The following SOX5 variants were observed in gnomAD, a reference collection of about 807,000 sequenced individuals.
The protein encoded by SOX5 is SRY-box transcription factor 5.
Under a neutral mutation model 92.0 loss-of-function variants are expected in SOX5, and 9 were observed. That is an observed-to-expected ratio of 0.10 (90% CI 0.06 to 0.17). The LOEUF is 0.17. Among genes scored for constraint, SOX5 ranks in the 10% least tolerant of loss-of-function variants. SOX5 has a pLI of 1.00. For synonymous variants in SOX5, 344 were observed against 336.3 expected, an observed-to-expected ratio of 1.02 and a Z score of -0.25; for missense variants, 642 against 944.5, an observed-to-expected ratio of 0.68 and a Z score of 4.20.
At chr12:24,247,447 G>A (rs1408097356) in intron 3 of SOX5, among the ~76,000 whole-genome samples, 1 of 151,978 alleles carries the variant, frequency 6.6e-6, no homozygotes, top group African/African-American at 2.4e-5. Context: ...TAGAGAGAGA[G>A]TTGAGTTTAT....
At chr12:24,453,116 T>A (rs1942550720) in intron 1 of SOX5, among the ~76,000 whole-genome samples, 1 of 152,132 alleles carries the variant, frequency 6.6e-6, no homozygotes, top group African/African-American at 2.4e-5. Flanking sequence ...ATTCAGAAAA[T>A]CTATTGAAGA....
At chr12:23,798,422 T>C (rs2095603178) in intron 3 of SOX5, among the ~76,000 whole-genome samples, 1 of 152,162 alleles carries the variant, frequency 6.6e-6, no homozygotes, top group African/African-American at 2.4e-5. Flanking sequence ...GAGACTTACA[T>C]GGCAAGTCTT....
At chr12:23,670,395 G>A (rs1179566402) in intron 6 of SOX5, among the ~76,000 whole-genome samples, 1 of 152,134 alleles carries the variant, frequency 6.6e-6, no homozygotes, top group Non-Finnish European at 1.5e-5. Flanking sequence ...GCTGTAGAAA[G>A]ATGTAAAGTG....
chr12:23,695,706 C>A (rs1231017892), intron 6 of SOX5, among the ~76,000 whole-genome samples: 1 of 151,940 alleles, frequency 6.6e-6, no homozygotes, highest in Non-Finnish European at 1.5e-5. Context: ...CTTTGGGAGG[C>A]CAAGGCGAGT....
intron 3 of SOX5, among the ~76,000 whole-genome samples, chr12:23,787,355 G>A (rs2095399480): frequency 6.6e-6 from 1 of 151,880 alleles, no homozygotes. Context: ...ATTTAAAACA[G>A]TATGAAAGAA....
At chr12:24,475,231 A>T (rs756185202) in intron 1 of SOX5, among the ~76,000 whole-genome samples, 1 of 152,188 alleles carries the variant, frequency 6.6e-6, no homozygotes, top group Non-Finnish European at 1.5e-5. Context: ...TTGAAATGGA[A>T]AATAGTACAA....
intron 3 of SOX5, among the ~76,000 whole-genome samples, chr12:23,811,235 C>G (rs915150983): frequency 6.6e-6 from 1 of 152,080 alleles, no homozygotes; most frequent in African/African-American, 2.4e-5. Context: ...ACCCCCTACA[C>G]AGAGGAATAT....
chr12:24,227,351 A>G (rs533778246), intron 3 of SOX5: 13 of 152,356 alleles, frequency 8.5e-5, no homozygotes, highest in African/African-American at 2.2e-4. Flanking sequence ...GCCAAAAACA[A>G]AAGTCTGAGA....
chr12:23,969,439 T>G (rs1399503132), intron 4 of SOX5, among the ~76,000 whole-genome samples: 1 of 152,180 alleles, frequency 6.6e-6, no homozygotes, highest in Admixed American at 6.5e-5. Flanking sequence ...GAATAAAATC[T>G]AAAACCTTTA....
At chr12:24,501,995 T>C (rs967818592) in intron 1 of SOX5, among the ~76,000 whole-genome samples, 1 of 152,116 alleles carries the variant, frequency 6.6e-6, no homozygotes. Flanking sequence ...TCCAGTCTCT[T>C]CACATCCTGA....
intron 10 of SOX5, among the ~76,000 whole-genome samples, chr12:23,574,755 T>G (rs1948860013): frequency 6.6e-6 from 1 of 152,104 alleles, no homozygotes. Context: ...TATTTCACTT[T>G]GTGATTTTTT....
rs561006456 is a variant in SOX5 at position 23,549,803 on chromosome 12, T to C, written c.1489-3379A>G. Among the ~76,000 whole-genome samples, 3 of 152,042 alleles carry C rather than the reference T, an allele frequency of 2.0e-5. No individual in the cohort carries two copies. The East Asian group carries it at 5.8e-4, about 29-fold the overall frequency. Reference sequence around the variant, plus strand: ...CATCTTTACAACTCTGCAGGTTTGCTGAGATCAAGGAGAAACATTAGGTTA... The same window carrying C: ...CATCTTTACAACTCTGCAGGTTTGCCGAGATCAAGGAGAAACATTAGGTTA... On this transcript the variant is annotated intron_variant, in intron 11 of 14. Coordinates refer to ENST00000451604, the MANE Select transcript of SOX5 (RefSeq NM_006940.6).
chr12:24,486,830 C>A (rs545822395), intron 1 of SOX5, among the ~76,000 whole-genome samples: 1 of 152,340 alleles, frequency 6.6e-6, no homozygotes, highest in East Asian at 1.9e-4. Context: ...CCATTAAACT[C>A]TTTCTTTCCC....
At chr12:23,548,795 T>C (rs1476010531) in intron 11 of SOX5, among the ~76,000 whole-genome samples, 1 of 152,030 alleles carries the variant, frequency 6.6e-6, no homozygotes, top group Non-Finnish European at 1.5e-5. Context: ...TAAAAGTAGA[T>C]ATAAATTTAT....
chr12:24,342,859 G>T (rs1952740456), intron 2 of SOX5, among the ~76,000 whole-genome samples: 1 of 152,194 alleles, frequency 6.6e-6, no homozygotes, highest in South Asian at 2.1e-4. Context: ...ATGGTAAATA[G>T]AAAACCTTTT....
At chr12:24,377,960 G>A (rs1375144568) in intron 1 of SOX5, among the ~76,000 whole-genome samples, 3 of 152,188 alleles carry the variant, frequency 2.0e-5, no homozygotes, top group Non-Finnish European at 4.4e-5. Flanking sequence ...CATGTAAATC[G>A]CATATGAGGT....
At chr12:24,511,957 CAA>C (rs11408941) in intron 1 of SOX5, among the ~76,000 whole-genome samples, 5 of 131,278 alleles carry the variant, frequency 3.8e-5, no homozygotes, top group Non-Finnish European at 3.3e-5. Flanking sequence ...GACTCCATCT[CAA>C]AAAAAAAAAA....
In SOX5 at chr12:24,086,719, A is replaced by G. The variant is rs143397643; in HGVS notation, c.-2+126624T>C. Among the ~76,000 whole-genome samples, 770 of 152,068 alleles carry G rather than the reference A, an allele frequency of 5.1e-3. 5 individuals carry two copies. The highest frequency in any genetic ancestry group is 7.9e-3 in the Non-Finnish European group (537 of 67,908). On this transcript the variant is annotated intron_variant, in intron 4 of 4. Transcript: ENST00000446891. ...AGTTTGAGTGGTCTGAAGGCCCAGG[A>G]GACAGTCAAAACATTCAGCAAAACA...
intron 2 of SOX5, among the ~76,000 whole-genome samples, chr12:24,352,052 T>C (rs1020977428): frequency 2.0e-5 from 3 of 152,198 alleles, no homozygotes; most frequent in Admixed American, 6.5e-5. Context: ...TTAAGTATCT[T>C]GAAAGCAAAG....
Sources: gnomAD v4.1 joint callset for allele counts (sites outside exome capture counted in the v4.1 genomes callset) on GRCh38, gnomAD v4.1.1 for gene constraint, MANE v1.5 for transcripts, NCBI Gene and HGNC (gene_info 2026-07-23, HGNC 2026-07-21) for gene names.